VSIG2: variants seen among roughly 807,000 people sequenced by gnomAD.
VSIG2 encodes V-set and immunoglobulin domain containing 2, also known as V-set and immunoglobulin domain-containing protein 2.
A neutral mutation model predicts 29.4 loss-of-function variants in VSIG2; 30 were observed. That is an observed-to-expected ratio of 1.02 (90% CI 0.76 to 1.38). The LOEUF (loss-of-function observed/expected upper bound fraction) is 1.38. Ranked by LOEUF, VSIG2 falls within the 40% of genes most tolerant of loss-of-function variation. The pLI, the probability that VSIG2 is intolerant of heterozygous loss-of-function variation, is 0.00. For missense variants in VSIG2, 421 were observed against 400.8 expected (o/e 1.05, Z -0.43); for synonymous variants, 178 against 174.2 (o/e 1.02, Z -0.17).
rs776799108 is a variant in VSIG2, at chr11:124,752,124, G to A, written c.14C>T (p.Pro5Leu). MAEL[P>L]GPFLCGALLG... ...CAGGGCCCCGCAGAGAAAGGGCCCC[G>A]GGAGCTCGGCCATGGCCGCGTCCGG... The change falls in exon 1 of 7, where the codon CCG (proline) becomes CTG (leucine). Residue 5 changes from proline to leucine, a missense_variant. Transcript: ENST00000326621. 3 of 1,603,520 alleles carry A rather than the reference G, an allele frequency of 1.9e-6. No individual in the cohort carries two copies. The highest frequency in any genetic ancestry group is 1.7e-5 in the Admixed American group (1 of 59,558).
chr11:124,750,703 G>A lies in VSIG2; in HGVS notation c.427+11C>T. ...AGAGTATGTGGCTCGTGGATCCCCA[G>A]TCTGCCTTACCCAGCACAGTAAGGT... is the stretch of plus-strand genomic sequence containing the variant. On this transcript the variant is annotated intron_variant, in intron 3 of 6. Transcript: ENST00000326621. 6.2e-7 allele frequency: 1 copy of A among 1,613,092 alleles called. No homozygotes were observed. Among genetic ancestry groups the A allele is most frequent in the South Asian group, 1.1e-5 (1 of 90,996 alleles).
intron 6 of VSIG2, 22 bp from the exon 7 acceptor site, chr11:124,747,689 T>TG: frequency 6.2e-7 from 1 of 1,609,690 alleles, no homozygotes; most frequent in Non-Finnish European, 8.5e-7. Context: ...AGGCAAGTTC[T>TG]GAGTGAACAG....
chr11:124,751,933 C>G, intron 1 of VSIG2, 144 bp downstream of exon 1: 1 of 1,014,592 alleles, frequency 9.9e-7, no homozygotes, highest in South Asian at 1.8e-5. Flanking sequence ...ACCCCCTCTC[C>G]GGCCTCACCT....
At chr11:124,748,841 A>T in intron 4 of VSIG2, 78 bp from the exon 5 acceptor site, 1 of 1,607,444 alleles carries the variant, frequency 6.2e-7, no homozygotes, top group Non-Finnish European at 8.5e-7. Context: ...ATTTCATGTC[A>T]TCCTTATAAC....
At position 124,750,705 on chromosome 11, in the gene VSIG2, C is replaced by T. The variant is rs1944074547; in HGVS notation, c.427+9G>A. On this transcript the variant is annotated intron_variant, in intron 3 of 6. Transcript: ENST00000326621. Reference sequence around the variant, plus strand: ...AGTATGTGGCTCGTGGATCCCCAGTCTGCCTTACCCAGCACAGTAAGGTTG... The same window carrying T: ...AGTATGTGGCTCGTGGATCCCCAGTTTGCCTTACCCAGCACAGTAAGGTTG... 6.2e-7 allele frequency: 1 copy of T among 1,613,500 alleles called. No homozygotes were observed. Among genetic ancestry groups the T allele is most frequent in the Non-Finnish European group, 8.5e-7 (1 of 1,179,780 alleles).
chr11:124,747,682 C>A lies in VSIG2; in HGVS notation c.852-15G>T. 1 of 1,612,064 alleles carries A rather than the reference C, an allele frequency of 6.2e-7. No individual in the cohort carries two copies. ...TGGCATCCTCCCTGATGGGTATAGG[C>A]AAGTTCTGAGTGAACAGTAGAAGCC... On this transcript the variant is annotated splice_polypyrimidine_tract_variant and intron_variant, in intron 6 of 6. Coordinates refer to ENST00000326621, the MANE Select transcript of VSIG2 (RefSeq NM_014312.5).
In VSIG2 at chr11:124,750,819, G is replaced by A. The variant is rs201503445; in HGVS notation, c.322C>T (p.Leu108=). 2.5e-6 allele frequency: 4 copies of A among 1,614,154 alleles called. No homozygotes were observed. Among genetic ancestry groups the A allele is most frequent in the African/African-American group, 1.3e-5 (1 of 75,042 alleles). The part of the protein sequence containing the change: ...PPTVGVATLK[L]TDVHPSDTGT... ...GTATCTGAGGGGTGGACGTCAGTCA[G>A]TTTCAGTGTGGCCACCCCCACTGTG... Residue 108 remains leucine (L), a synonymous_variant, in exon 3 of 7, where the codon CTG becomes TTG. Transcript: ENST00000326621.
In VSIG2 at chr11:124,752,234, C is replaced by A; in HGVS notation, c.-97G>T. The stretch of plus-strand genomic sequence containing the variant: ...AAGGGAGCACCCAAGGGCAGCCGCC[C>A]GGGCTGGGCAGGAGCGAGACTGGTA... On this transcript the variant is annotated 5_prime_UTR_variant, in exon 1 of 7. Transcript: ENST00000326621. 1 of 1,313,986 alleles carries A rather than the reference C, an allele frequency of 7.6e-7. No individual in the cohort carries two copies. Among genetic ancestry groups the A allele is most frequent in the African/African-American group, 1.5e-5 (1 of 67,220 alleles). The allele number at this position is 1,313,986 out of a possible 1,614,324, so 81.4% of individuals were successfully genotyped here.
chr11:124,748,794 T>A, intron 4 of VSIG2, 31 bp from the exon 5 acceptor site: 2 of 1,614,088 alleles, frequency 1.2e-6, no homozygotes, highest in Non-Finnish European at 1.7e-6. Flanking sequence ...GTTCCACGAC[T>A]CATTCAACTC....
intron 3 of VSIG2, among the ~76,000 whole-genome samples, 189 bp from the exon 4 acceptor site, chr11:124,750,055 G>A (rs1944067271): frequency 6.6e-6 from 1 of 152,130 alleles, no homozygotes; most frequent in Non-Finnish European, 1.5e-5. Flanking sequence ...CTGATTGTTA[G>A]AGAAAATTCT....
At chr11:124,749,983 T>A in intron 3 of VSIG2, 117 bp from the exon 4 acceptor site, 1 of 1,161,282 alleles carries the variant, frequency 8.6e-7, no homozygotes, top group Non-Finnish European at 1.2e-6. Flanking sequence ...CAAACAGTGG[T>A]CCTCTTGGGT....
chr11:124,748,596 C>T (rs761675007), intron 5 of VSIG2, 48 bp downstream of exon 5: 5 of 1,606,826 alleles, frequency 3.1e-6, no homozygotes, highest in Non-Finnish European at 1.7e-6. Context: ...CAGCCGACAG[C>T]TTCCCCAACA....
rs1389638060 is a variant in VSIG2, at chr11:124,747,672, TG to T, written c.852-6del. 1 of 1,613,420 alleles carries T rather than the reference TG, an allele frequency of 6.2e-7. No individual in the cohort carries two copies. The highest frequency in any genetic ancestry group is 8.5e-7 in the Non-Finnish European group (1 of 1,179,724). On this transcript the variant is annotated splice_polypyrimidine_tract_variant and splice_region_variant and intron_variant, in intron 6 of 6. Coordinates refer to ENST00000326621, the MANE Select transcript of VSIG2 (RefSeq NM_014312.5). ...CCAGGAGCGATGGCATCCTCCCTGA[TG>T]GGTATAGGCAAGTTCTGAGTGAACA... is the stretch of plus-strand genomic sequence containing the variant.
At chr11:124,751,693 C>T in intron 1 of VSIG2, 113 bp from the exon 2 acceptor site, 1 of 1,179,408 alleles carries the variant, frequency 8.5e-7, no homozygotes. Flanking sequence ...CAGAGCACAA[C>T]CCTCTCCCCT....
At chr11:124,749,944 TGC>T in intron 3 of VSIG2, 78 bp from the exon 4 acceptor site, 5 of 1,412,800 alleles carry the variant, frequency 3.5e-6, no homozygotes, top group Non-Finnish European at 4.6e-6. Flanking sequence ...CTCCATTAGG[TGC>T]TACATTCTCT....
In VSIG2 at chr11:124,749,870, CAAAA is replaced by C. The variant is rs757471583; in HGVS notation, c.428-8_428-5del. ...CATAAGGGATTACTGGGGGGAACTG[CAAAA>C]AAAAAAAAAAAAAAAAAAAAACAGA... On this transcript the variant is annotated splice_polypyrimidine_tract_variant and splice_region_variant and intron_variant, in intron 3 of 6. Coordinates refer to ENST00000326621, the MANE Select transcript of VSIG2 (RefSeq NM_014312.5). 5.9e-3 allele frequency: 4,529 copies of C among 773,846 alleles called. 1 individual carries two copies. Among genetic ancestry groups the C allele is most frequent in the African/African-American group, 0.038 (909 of 23,868 alleles). 47.9% of individuals were successfully genotyped at this position (773,846 alleles called of 1,614,324 possible).
intron 2 of VSIG2, 115 bp downstream of exon 2, chr11:124,751,308 T>TA: frequency 1.5e-6 from 2 of 1,322,226 alleles, no homozygotes; most frequent in Non-Finnish European, 2.1e-6. Context: ...AGAGCCCACT[T>TA]ACCTTTTCAT....
intron 4 of VSIG2, among the ~76,000 whole-genome samples, chr11:124,749,120 C>T (rs1944051457): frequency 6.6e-6 from 1 of 152,168 alleles, no homozygotes; most frequent in Non-Finnish European, 1.5e-5. Flanking sequence ...CTAGAAACTG[C>T]ATCCTGTAGG....
In VSIG2 at chr11:124,752,061, C is replaced by T; in HGVS notation, c.61+16G>A. ...CCCCCCAGCCCTCGCCGTGGTCCCG[C>T]CCGGCCCCTCCTCACCACTCAGGCA... On this transcript the variant is annotated intron_variant, in intron 1 of 6. Coordinates refer to ENST00000326621, the MANE Select transcript of VSIG2 (RefSeq NM_014312.5). 1 of 1,598,156 alleles carries T rather than the reference C, an allele frequency of 6.3e-7. No homozygotes were observed.
Sources: gnomAD v4.1 joint callset for allele counts (sites outside exome capture counted in the v4.1 genomes callset) on GRCh38, gnomAD v4.1.1 for gene constraint, MANE v1.5 for transcripts, NCBI Gene and HGNC (gene_info 2026-07-23, HGNC 2026-07-21) for gene names.